HCN1: variants seen among roughly 807,000 people sequenced by gnomAD.
HCN1 encodes hyperpolarization activated cyclic nucleotide gated potassium channel 1.
In HCN1, 13 loss-of-function variants were observed where a neutral mutation model predicts 78.9. The ratio of observed to expected loss-of-function variants is 0.16; its 90% CI spans 0.11 to 0.26. The LOEUF is 0.26. Among genes scored for constraint, HCN1 ranks in the 10% least tolerant of loss-of-function variants. The pLI, the probability that HCN1 is intolerant of heterozygous loss-of-function variation, is 1.00. For missense variants in HCN1, 810 were observed against 1,154.3 expected, an observed-to-expected ratio of 0.70 and a Z score of 4.32; for synonymous variants, 552 against 455.5, an observed-to-expected ratio of 1.21 and a Z score of -2.70.
chr5:45,630,479 A>T (rs965765356), intron 2 of HCN1, among the ~76,000 whole-genome samples: 2 of 152,194 alleles, frequency 1.3e-5, no homozygotes, highest in African/African-American at 4.8e-5. Context: ...TCCACAGTAA[A>T]CAATGTGTTT....
intron 1 of HCN1, 26 bp downstream of exon 1, chr5:45,695,643 G>T (rs756164873): frequency 6.2e-7 from 1 of 1,606,590 alleles, no homozygotes; most frequent in Non-Finnish European, 8.5e-7. Flanking sequence ...TGAAGGGAGG[G>T]TGGGGCGGCG....
intron 2 of HCN1, among the ~76,000 whole-genome samples, chr5:45,497,099 G>T (rs1742052925): frequency 6.6e-6 from 1 of 152,140 alleles, no homozygotes. Flanking sequence ...CTTTAAATTT[G>T]CTGAGGAGAT....
intron 2 of HCN1, among the ~76,000 whole-genome samples, chr5:45,534,703 A>C (rs937417360): frequency 1.3e-5 from 2 of 152,010 alleles, no homozygotes; most frequent in African/African-American, 4.8e-5. Flanking sequence ...ATCTTGTATC[A>C]ATTTGTTAAG....
chr5:45,609,773 G>T (rs1445037505), intron 2 of HCN1, among the ~76,000 whole-genome samples: 1 of 152,056 alleles, frequency 6.6e-6, no homozygotes, highest in Non-Finnish European at 1.5e-5. Flanking sequence ...CAAAATTTAA[G>T]GAAGTTATCA....
At chr5:45,614,209 C>G (rs527341768) in intron 2 of HCN1, among the ~76,000 whole-genome samples, 1 of 152,074 alleles carries the variant, frequency 6.6e-6, no homozygotes, top group East Asian at 1.9e-4. Flanking sequence ...TCTTATCTTG[C>G]GGATCAGAAG....
chr5:45,461,493 A>G (rs1476371427), intron 3 of HCN1, among the ~76,000 whole-genome samples: 2 of 152,154 alleles, frequency 1.3e-5, no homozygotes, highest in Non-Finnish European at 2.9e-5. Context: ...AAGCTAAAAA[A>G]TGTTGATGAA....
chr5:45,469,907 G>C (rs1741354152), intron 2 of HCN1, among the ~76,000 whole-genome samples: 2 of 151,914 alleles, frequency 1.3e-5, no homozygotes, highest in African/African-American at 2.4e-5. Flanking sequence ...AAAGAAGTGA[G>C]AGTGAGCCTT....
At chr5:45,497,606 G>C (rs1317872428) in intron 2 of HCN1, among the ~76,000 whole-genome samples, 38 of 152,124 alleles carry the variant, frequency 2.5e-4, no homozygotes, top group Admixed American at 2.5e-3. Flanking sequence ...CTCTGCACGT[G>C]AGATGGGTTT....
intron 2 of HCN1, among the ~76,000 whole-genome samples, chr5:45,484,670 G>C (rs1392973807): frequency 6.6e-6 from 1 of 152,170 alleles, no homozygotes; most frequent in African/African-American, 2.4e-5. Flanking sequence ...TGCTCCTGAT[G>C]ACCTCGGACA....
intron 5 of HCN1, among the ~76,000 whole-genome samples, chr5:45,335,564 G>T (rs1420434371): frequency 1.3e-5 from 2 of 151,956 alleles, no homozygotes; most frequent in African/African-American, 4.8e-5. Flanking sequence ...CTGAGTACTG[G>T]CCTGATACCC....
intron 3 of HCN1, among the ~76,000 whole-genome samples, chr5:45,407,929 T>C (rs1328216624): frequency 6.6e-6 from 1 of 152,092 alleles, no homozygotes; most frequent in Non-Finnish European, 1.5e-5. Context: ...CCTGACCCTG[T>C]GTAAGCCTAG....
At chr5:45,655,362 C>T (rs570153813) in intron 1 of HCN1, among the ~76,000 whole-genome samples, 4 of 151,926 alleles carry the variant, frequency 2.6e-5, no homozygotes, top group Non-Finnish European at 2.9e-5. Flanking sequence ...AGAGGAAAAC[C>T]GAAATCATCT....
chr5:45,596,377 C>T (rs1744495282), intron 2 of HCN1, among the ~76,000 whole-genome samples: 1 of 152,182 alleles, frequency 6.6e-6, no homozygotes, highest in Non-Finnish European at 1.5e-5. Flanking sequence ...CTAAATTGCT[C>T]TATCACAGTA....
chr5:45,600,375 T>A (rs767390493), intron 2 of HCN1, among the ~76,000 whole-genome samples: 20 of 152,200 alleles, frequency 1.3e-4, no homozygotes, highest in Non-Finnish European at 2.8e-4. Context: ...ATCACTCATA[T>A]TCTCTTAAAA....
intron 2 of HCN1, among the ~76,000 whole-genome samples, chr5:45,632,571 A>G (rs143262705): frequency 1.3e-5 from 2 of 152,186 alleles, no homozygotes; most frequent in African/African-American, 4.8e-5. Context: ...CCTCTCACTT[A>G]TTAGAAAATA....
chr5:45,361,770 T>C (rs1437961964), intron 4 of HCN1, among the ~76,000 whole-genome samples: 2 of 152,182 alleles, frequency 1.3e-5, no homozygotes, highest in Non-Finnish European at 2.9e-5. Flanking sequence ...TAGGTTTTCA[T>C]TTATCAATTA....
intron 1 of HCN1, among the ~76,000 whole-genome samples, chr5:45,694,114 A>C (rs1301295237): frequency 1.3e-5 from 2 of 152,206 alleles, no homozygotes; most frequent in Non-Finnish European, 2.9e-5. Flanking sequence ...TTGCTTCCCT[A>C]TCTTCCTACT....
chr5:45,470,009 C>T (rs1741357980), intron 2 of HCN1, among the ~76,000 whole-genome samples: 1 of 151,950 alleles, frequency 6.6e-6, no homozygotes, highest in African/African-American at 2.4e-5. Context: ...GCTTATTGCA[C>T]CATTTGATAG....
intron 6 of HCN1, 77 bp downstream of exon 6, chr5:45,303,522 C>T (rs538006342): frequency 1.3e-6 from 2 of 1,488,072 alleles, no homozygotes; most frequent in African/African-American, 1.4e-5. Flanking sequence ...AACTGACATG[C>T]TGACATCTCC....
Sources: allele counts gnomAD v4.1 joint callset (sites outside exome capture counted in the v4.1 genomes callset), GRCh38; gene constraint gnomAD v4.1.1; transcripts MANE v1.5; gene names NCBI Gene and HGNC (gene_info 2026-07-23, HGNC 2026-07-21).